The following XYLT1 variants were observed in gnomAD, a reference collection of about 807,000 sequenced individuals.
The protein encoded by XYLT1 is xylosyltransferase 1, also known as beta-D-xylosyltransferase 1.
A neutral mutation model predicts 91.3 loss-of-function variants in XYLT1; 36 were observed. The ratio of observed to expected loss-of-function variants is 0.39; its 90% CI spans 0.30 to 0.52. The LOEUF is 0.52. Ranked by LOEUF, XYLT1 falls within the 20% of genes least tolerant of loss-of-function variation. The pLI, the probability that XYLT1 is intolerant of heterozygous loss-of-function variation, is 0.68. For synonymous variants in XYLT1, 588 were observed against 532.0 expected, an observed-to-expected ratio of 1.11 and a Z score of -1.45; for missense variants, 1,242 against 1,284.5, an observed-to-expected ratio of 0.97 and a Z score of 0.51.
chr16:17,399,245 G>A (rs1194769729), intron 1 of XYLT1, among the ~76,000 whole-genome samples: 4 of 152,104 alleles, frequency 2.6e-5, no homozygotes, highest in South Asian at 2.1e-4. Context: ...GCATGGCAAC[G>A]GAGGCTGAGA....
intron 2 of XYLT1, among the ~76,000 whole-genome samples, chr16:17,283,560 G>T (rs532511457): frequency 6.6e-6 from 1 of 152,146 alleles, no homozygotes; most frequent in African/African-American, 2.4e-5. Flanking sequence ...CTGCCTCAGC[G>T]TCCTTCCCAC....
At chr16:17,311,892 T>C (rs568512444) in intron 2 of XYLT1, among the ~76,000 whole-genome samples, 1 of 148,536 alleles carries the variant, frequency 6.7e-6, no homozygotes, top group Non-Finnish European at 1.5e-5. Context: ...AACCATCAGA[T>C]CTCATGAGAC....
At chr16:17,286,134 A>G (rs1241432372) in intron 2 of XYLT1, among the ~76,000 whole-genome samples, 1 of 152,172 alleles carries the variant, frequency 6.6e-6, no homozygotes, top group Non-Finnish European at 1.5e-5. Flanking sequence ...AAACATACTT[A>G]GACTCAAAAA....
intron 2 of XYLT1, among the ~76,000 whole-genome samples, chr16:17,320,437 G>A (rs1452813603): frequency 4.0e-5 from 6 of 151,262 alleles, no homozygotes; most frequent in Admixed American, 2.6e-4. Context: ...AGGAAATGGG[G>A]CATGAGTTGT....
chr16:17,141,207 G>A lies in XYLT1; in HGVS notation c.1533C>T (p.Asp511=), dbSNP rs760198193. The change falls in exon 7 of 12, where the codon GAC becomes GAT. Residue 511 remains aspartate, a synonymous_variant. Coordinates refer to ENST00000261381, the MANE Select transcript of XYLT1 (RefSeq NM_022166.4). ...RFVEYVTFST[D]DLVTKMKQFY... ...ACTGTTTCATCTTGGTCACCAGATC[G>A]TCTGTGGAGAAGGTCACATATTCTA... The A allele has an allele frequency of 2.4e-5, 38 of 1,614,078 alleles. No individual in the cohort carries two copies. Among genetic ancestry groups the A allele is most frequent in the East Asian group, 6.7e-5 (3 of 44,898 alleles).
intron 5 of XYLT1, among the ~76,000 whole-genome samples, chr16:17,183,598 C>T (rs1029891061): frequency 4.6e-5 from 7 of 152,218 alleles, no homozygotes; most frequent in African/African-American, 1.7e-4. Context: ...GTAACACTAT[C>T]TACCTTCTGG....
chr16:17,111,504 C>T (rs1463337668), intron 11 of XYLT1, among the ~76,000 whole-genome samples: 4 of 152,174 alleles, frequency 2.6e-5, no homozygotes, highest in Admixed American at 2.0e-4. Flanking sequence ...CAAGATAATG[C>T]AGTGTTCAGA....
chr16:17,396,171 C>T (rs2035883075), intron 1 of XYLT1, among the ~76,000 whole-genome samples: 1 of 152,206 alleles, frequency 6.6e-6, no homozygotes, highest in Admixed American at 6.5e-5. Flanking sequence ...CCCTCCTGTA[C>T]AGGTTTGCAA....
intron 2 of XYLT1, among the ~76,000 whole-genome samples, chr16:17,345,617 C>T (rs1404174722): frequency 6.6e-6 from 1 of 152,202 alleles, no homozygotes; most frequent in Non-Finnish European, 1.5e-5. Context: ...GAAGCTGAAG[C>T]TCAGAAGCTA....
At chr16:17,458,718 G>T (rs1337093725) in intron 1 of XYLT1, among the ~76,000 whole-genome samples, 1 of 152,078 alleles carries the variant, frequency 6.6e-6, no homozygotes, top group East Asian at 1.9e-4. Flanking sequence ...ATCAGGATTT[G>T]AAATCCAGTT....
At chr16:17,196,434 T>A (rs981489180) in intron 5 of XYLT1, among the ~76,000 whole-genome samples, 1 of 152,214 alleles carries the variant, frequency 6.6e-6, no homozygotes, top group African/African-American at 2.4e-5. Flanking sequence ...TAGATACAAT[T>A]CTGTGATATC....
chr16:17,454,532 A>G (rs7194363), intron 1 of XYLT1, among the ~76,000 whole-genome samples: 61,350 of 150,520 alleles, frequency 0.41, 15,696 homozygotes, highest in African/African-American at 0.73. Flanking sequence ...TTTATTTATG[A>G]TCGCAATTTT....
At chr16:17,404,205 C>T (rs193217460) in intron 1 of XYLT1, among the ~76,000 whole-genome samples, 71 of 152,272 alleles carry the variant, frequency 4.7e-4, no homozygotes, top group African/African-American at 1.7e-3. Context: ...TGGGACACAG[C>T]GAGCTGAGCA....
chr16:17,164,851 A>G (rs1314401929), intron 5 of XYLT1, among the ~76,000 whole-genome samples: 1 of 152,220 alleles, frequency 6.6e-6, no homozygotes, highest in Non-Finnish European at 1.5e-5. Flanking sequence ...GAAGAGGTCA[A>G]CTGTCCTGGT....
intron 1 of XYLT1, among the ~76,000 whole-genome samples, chr16:17,371,363 A>G (rs942987269): frequency 1.3e-5 from 2 of 152,214 alleles, no homozygotes; most frequent in Admixed American, 6.5e-5. Flanking sequence ...AACCCAATTC[A>G]TGTTATAGGT....
intron 1 of XYLT1, among the ~76,000 whole-genome samples, chr16:17,370,518 TAA>T (rs982040724): frequency 6.6e-6 from 1 of 152,084 alleles, no homozygotes; most frequent in Admixed American, 6.5e-5. Context: ...AGATGCAAGG[TAA>T]AGTGTGTGGT....
intron 2 of XYLT1, among the ~76,000 whole-genome samples, chr16:17,328,547 T>C (rs1293011768): frequency 7.9e-5 from 1 of 12,606 alleles, no homozygotes; most frequent in Non-Finnish European, 1.6e-4. Flanking sequence ...AGACTCCTTC[T>C]CAAAAAAAAA....
intron 7 of XYLT1, chr16:17,138,817 T>A: frequency 3.3e-6 from 1 of 301,248 alleles, no homozygotes; most frequent in Middle Eastern, 1.0e-3. Flanking sequence ...GTTCTCTGCA[T>A]GCATTTGAGG....
At chr16:17,316,676 C>T (rs113019017) in intron 2 of XYLT1, among the ~76,000 whole-genome samples, 2,611 of 152,106 alleles carry the variant, frequency 0.017, 37 homozygotes, top group Non-Finnish European at 0.027. Context: ...GGATTACAGG[C>T]GTGAGCCACA....
Sources: gnomAD v4.1 joint callset for allele counts (sites outside exome capture counted in the v4.1 genomes callset) on GRCh38, gnomAD v4.1.1 for gene constraint, MANE v1.5 for transcripts, NCBI Gene and HGNC (gene_info 2026-07-23, HGNC 2026-07-21) for gene names.